Variants in BACE2 observed in about 807,000 individuals in gnomAD.
The protein encoded by BACE2 is 56 kDa aspartic-like protease.
In BACE2, 17 loss-of-function variants were observed where a neutral mutation model predicts 46.2. The observed-to-expected ratio is 0.37, with a 90% CI of 0.25 to 0.55. BACE2 has a LOEUF of 0.55. Ranked by LOEUF, BACE2 falls within the 20% of genes least tolerant of loss-of-function variation. The pLI is 0.82. For missense variants in BACE2, 595 were observed against 698.1 expected, an observed-to-expected ratio of 0.85 and a Z score of 1.66; for synonymous variants, 277 against 295.9, an observed-to-expected ratio of 0.94 and a Z score of 0.66.
At chr21:41,257,464 T>G in intron 8 of BACE2, 138 bp downstream of exon 8, 2 of 1,034,500 alleles carry the variant, frequency 1.9e-6, no homozygotes, top group Non-Finnish European at 2.7e-6. Context: ...GATCAAAATC[T>G]TCTCAATAAA....
chr21:41,173,324 G>T (rs1400027077), intron 1 of BACE2, among the ~76,000 whole-genome samples: 1 of 152,198 alleles, frequency 6.6e-6, no homozygotes, highest in Non-Finnish European at 1.5e-5. Context: ...GTGCTGTATT[G>T]ATATGAAGCC....
At chr21:41,272,412 T>C (rs2088443023) in intron 8 of BACE2, among the ~76,000 whole-genome samples, 1 of 152,100 alleles carries the variant, frequency 6.6e-6, no homozygotes, top group Admixed American at 6.5e-5. Context: ...CCCTTCTTCC[T>C]TTTGAGTACT....
chr21:41,270,913 A>T (rs1427830252), intron 8 of BACE2, among the ~76,000 whole-genome samples: 1 of 152,164 alleles, frequency 6.6e-6, no homozygotes, highest in Non-Finnish European at 1.5e-5. Flanking sequence ...GGAATCTCTG[A>T]CTATATTTGT....
chr21:41,239,537 C>T (rs546978302), intron 3 of BACE2, among the ~76,000 whole-genome samples: 3 of 152,288 alleles, frequency 2.0e-5, no homozygotes, highest in East Asian at 1.9e-4. Flanking sequence ...GCCACAACGC[C>T]TGGCTAAGTT....
intron 1 of BACE2, among the ~76,000 whole-genome samples, chr21:41,216,489 T>C (rs1177513988): frequency 1.3e-5 from 2 of 152,234 alleles, no homozygotes; most frequent in Non-Finnish European, 2.9e-5. Flanking sequence ...AGAAATCACC[T>C]GTGTAAAAGA....
At chr21:41,177,917 C>G (rs1984919194) in intron 1 of BACE2, 1 of 152,354 alleles carries the variant, frequency 6.6e-6, no homozygotes, top group East Asian at 1.9e-4. Context: ...AGCTTTACCC[C>G]TTGGTGGCAA....
chr21:41,198,791 G>A (rs1234437861), intron 1 of BACE2, among the ~76,000 whole-genome samples: 1 of 152,038 alleles, frequency 6.6e-6, no homozygotes, highest in Non-Finnish European at 1.5e-5. Context: ...AGCTTCAACC[G>A]AATAACCATC....
At chr21:41,203,501 T>C (rs1297971549) in intron 1 of BACE2, among the ~76,000 whole-genome samples, 1 of 151,834 alleles carries the variant, frequency 6.6e-6, no homozygotes. Flanking sequence ...GGGAGTGCTA[T>C]TGTTGAGAGT....
chr21:41,248,582 T>G (rs1987541599), intron 6 of BACE2, among the ~76,000 whole-genome samples: 1 of 152,234 alleles, frequency 6.6e-6, no homozygotes, highest in Non-Finnish European at 1.5e-5. Context: ...ACATCTTCAG[T>G]AGACTTCGCT....
chr21:41,192,815 C>A (rs1663929347), intron 1 of BACE2, among the ~76,000 whole-genome samples: 1 of 152,220 alleles, frequency 6.6e-6, no homozygotes, highest in Non-Finnish European at 1.5e-5. Flanking sequence ...GCTGGAGTAA[C>A]ACACCCAAAT....
chr21:41,171,457 G>C (rs1465735540), intron 1 of BACE2, among the ~76,000 whole-genome samples: 1 of 152,242 alleles, frequency 6.6e-6, no homozygotes, highest in African/African-American at 2.4e-5. Context: ...CATGTGCCCG[G>C]AAGCCCGCCT....
intron 1 of BACE2, among the ~76,000 whole-genome samples, chr21:41,225,168 A>T (rs1051754523): frequency 1.3e-5 from 2 of 151,324 alleles, no homozygotes; most frequent in East Asian, 3.9e-4. Flanking sequence ...TGGGAGGCAG[A>T]GTTTGCACTG....
rs938841978 is a variant in BACE2 at position 41,281,376 on chromosome 21, C to T, written c.*5752C>T. The T allele has an allele frequency of 6.6e-6, 1 of 152,210 alleles. No individual in the cohort carries two copies. Among genetic ancestry groups the T allele is most frequent in the African/African-American group, 2.4e-5 (1 of 41,452 alleles). The allele number at this position is 152,210 out of a possible 1,614,324, so 9.4% of individuals were successfully genotyped here. A position where few individuals can be genotyped will look rare whatever the true frequency, so the allele number is the denominator to read the frequency against. ...TAGAAACCTTGGGTGTCCTTGGCAA[C>T]CTAGCCTTTGACATTGATGTTTTTC... On this transcript the variant is annotated 3_prime_UTR_variant, in exon 9 of 9. Coordinates refer to ENST00000330333, the MANE Select transcript of BACE2 (RefSeq NM_012105.5).
In BACE2 at chr21:41,275,653, G is replaced by A; in HGVS notation, c.*29G>A. On this transcript the variant is annotated 3_prime_UTR_variant, in exon 9 of 9. Transcript: ENST00000330333. ...GCCAGGCCTGACCTCAAGCAACCAT[G>A]AACTCAGCTATTAAGAAAATCACAT... 1.9e-6 allele frequency: 3 copies of A among 1,607,960 alleles called. No homozygotes were observed. The highest frequency in any genetic ancestry group is 2.6e-6 in the Non-Finnish European group (3 of 1,175,912).
intron 1 of BACE2, among the ~76,000 whole-genome samples, chr21:41,214,068 A>G (rs1267415507): frequency 2.0e-5 from 3 of 152,194 alleles, no homozygotes; most frequent in Admixed American, 2.0e-4. Flanking sequence ...AGCCAGCACC[A>G]TGAGGAGCAC....
chr21:41,236,475 C>T (rs960640645), intron 2 of BACE2, among the ~76,000 whole-genome samples: 7 of 152,190 alleles, frequency 4.6e-5, no homozygotes, highest in African/African-American at 1.4e-4. Flanking sequence ...TTGTGAATGT[C>T]GTTCTGCGTC....
chr21:41,173,590 A>G (rs956134289), intron 1 of BACE2, among the ~76,000 whole-genome samples: 18 of 152,120 alleles, frequency 1.2e-4, no homozygotes, highest in African/African-American at 4.3e-4. Flanking sequence ...TACTAAAAAT[A>G]TGAAAATTAG....
chr21:41,252,779 A>C (rs899972152), intron 7 of BACE2, among the ~76,000 whole-genome samples: 2 of 152,224 alleles, frequency 1.3e-5, no homozygotes, highest in African/African-American at 4.8e-5. Context: ...AAGGAGGCGT[A>C]ATTTCAGGAG....
chr21:41,261,029 A>G (rs139420350), intron 8 of BACE2, among the ~76,000 whole-genome samples: 119 of 152,310 alleles, frequency 7.8e-4, no homozygotes, highest in Admixed American at 2.8e-3. Context: ...ACTGCATACT[A>G]TCTCACTTTA....
Sources: allele counts gnomAD v4.1 joint callset (sites outside exome capture counted in the v4.1 genomes callset), GRCh38; gene constraint gnomAD v4.1.1; transcripts MANE v1.5; gene names NCBI Gene and HGNC (gene_info 2026-07-23, HGNC 2026-07-21).